The following PUDP variants were observed in gnomAD, a reference collection of about 807,000 sequenced individuals.
PUDP encodes pseudouridine-5'-phosphatase.
In PUDP, 8 loss-of-function variants were observed where a neutral mutation model predicts 9.4. That is an observed-to-expected ratio of 0.85 (90% CI 0.50 to 1.53). The LOEUF (loss-of-function observed/expected upper bound fraction) is 1.53, where lower values mean the gene tolerates loss of function less well. PUDP is among the 40% of genes most tolerant of loss of function. PUDP has a pLI of 0.00. For synonymous variants in PUDP, 99 were observed against 80.7 expected (o/e 1.23, Z -1.22); for missense variants, 188 against 189.7 (o/e 0.99, Z 0.05).
At chrX:7,146,973 A>G (rs1002600550) in intron 1 of PUDP, among the ~76,000 whole-genome samples, 2 of 110,188 alleles carry the variant, frequency 1.8e-5, no homozygotes, top group Non-Finnish European at 3.8e-5. Context: ...GTTTATAGAT[A>G]TATGAAGCCT....
chrX:7,115,911 A>G (rs1037334515), intron 1 of PUDP, among the ~76,000 whole-genome samples: 1 of 112,630 alleles, frequency 8.9e-6, no homozygotes, highest in African/African-American at 3.2e-5. Flanking sequence ...TATCTGCTCA[A>G]AGCATCCTAG....
intron 3 of PUDP, among the ~76,000 whole-genome samples, chrX:6,810,731 G>A (rs1252514276): frequency 1.8e-5 from 2 of 111,500 alleles, no homozygotes; most frequent in East Asian, 5.6e-4. Flanking sequence ...AGCAATCAGC[G>A]AGTATGTAGA....
At chrX:7,057,630 G>T in intron 3 of PUDP, 1 of 1,119,513 alleles carries the variant, frequency 8.9e-7, no homozygotes. Flanking sequence ...TGACAAGTTG[G>T]GTTTGAGGCC....
At chrX:7,058,372 T>C (rs1930306760) in intron 3 of PUDP, among the ~76,000 whole-genome samples, 1 of 112,102 alleles carries the variant, frequency 8.9e-6, no homozygotes, top group Non-Finnish European at 1.9e-5. Flanking sequence ...TGGAATTACA[T>C]GGAAGCACAG....
At chrX:6,954,028 TCTGCG>T (rs1928591176) in intron 3 of PUDP, among the ~76,000 whole-genome samples, 1 of 110,530 alleles carries the variant, frequency 9.0e-6, no homozygotes, top group African/African-American at 3.3e-5. Flanking sequence ...TTCCCTTTGC[TCTGCG>T]CTTCTCCTTG....
At chrX:6,781,167 T>C (rs1925555245) in intron 3 of PUDP, among the ~76,000 whole-genome samples, 1 of 111,180 alleles carries the variant, frequency 9.0e-6, no homozygotes, top group African/African-American at 3.3e-5. Flanking sequence ...ACAACAACAA[T>C]AACAACAGCA....
chrX:6,771,863 T>C (rs2146679009), intron 3 of PUDP, among the ~76,000 whole-genome samples: 1 of 112,402 alleles, frequency 8.9e-6, no homozygotes, highest in East Asian at 2.8e-4. Flanking sequence ...TGAATGGCTG[T>C]AGCTGTGTGT....
intron 1 of PUDP, among the ~76,000 whole-genome samples, chrX:7,013,552 CAG>C (rs1929506599): frequency 8.9e-6 from 1 of 112,208 alleles, no homozygotes; most frequent in South Asian, 3.7e-4. Flanking sequence ...CTGATTAAAA[CAG>C]AGTGCTGGCC....
intron 1 of PUDP, among the ~76,000 whole-genome samples, chrX:7,043,049 G>A (rs935951511): frequency 7.2e-5 from 8 of 111,845 alleles, no homozygotes; most frequent in African/African-American, 2.6e-4. Flanking sequence ...AAACAAGGGA[G>A]TCAGTAGAGT....
At chrX:7,043,140 T>C (rs1929944342) in intron 1 of PUDP, among the ~76,000 whole-genome samples, 1 of 111,898 alleles carries the variant, frequency 8.9e-6, no homozygotes, top group Non-Finnish European at 1.9e-5. Flanking sequence ...CAGGTGATCA[T>C]TCACAGATGA....
intron 3 of PUDP, among the ~76,000 whole-genome samples, chrX:6,951,270 T>TA (rs770034592): frequency 7.6e-5 from 8 of 105,867 alleles, no homozygotes; most frequent in Admixed American, 2.1e-4. Context: ...TCTATCTATC[T>TA]ATCTAATCTA....
chrX:6,870,179 T>A (rs755749268), intron 3 of PUDP, among the ~76,000 whole-genome samples: 1 of 112,104 alleles, frequency 8.9e-6, no homozygotes, highest in South Asian at 3.7e-4. Flanking sequence ...AAGTTATTAT[T>A]TAATGGATAC....
chrX:6,833,452 A>G (rs1462862993), intron 3 of PUDP, among the ~76,000 whole-genome samples: 2 of 111,297 alleles, frequency 1.8e-5, no homozygotes, highest in Non-Finnish European at 3.8e-5. Flanking sequence ...AGATGGATAG[A>G]TCATAGATGG....
intron 3 of PUDP, among the ~76,000 whole-genome samples, chrX:6,900,759 AT>A (rs938700080): frequency 9.4e-6 from 1 of 106,780 alleles, no homozygotes; most frequent in Non-Finnish European, 1.9e-5. Flanking sequence ...CAGATGACCA[AT>A]TTTTTTTGTT....
intron 1 of PUDP, among the ~76,000 whole-genome samples, chrX:7,030,285 G>T (rs1929775205): frequency 9.0e-6 from 1 of 110,629 alleles, no homozygotes; most frequent in Non-Finnish European, 1.9e-5. Flanking sequence ...AATGACAAGA[G>T]AAAACTAACA....
chrX:6,748,960 G>C (rs1270505358), intron 3 of PUDP, among the ~76,000 whole-genome samples: 1 of 111,149 alleles, frequency 9.0e-6, no homozygotes, highest in Non-Finnish European at 1.9e-5. Context: ...AGAAGAGAAA[G>C]GAGATGAATG....
At chrX:6,908,368 C>T (rs183630677) in intron 3 of PUDP, among the ~76,000 whole-genome samples, 2 of 112,154 alleles carry the variant, frequency 1.8e-5, no homozygotes, top group Admixed American at 9.5e-5. Context: ...CTCAAAGGTC[C>T]CTAAGAGCAC....
intron 3 of PUDP, among the ~76,000 whole-genome samples, chrX:6,754,285 C>T (rs1925143536): frequency 9.0e-6 from 1 of 111,197 alleles, no homozygotes; most frequent in Non-Finnish European, 1.9e-5. Context: ...TCACTGTGCA[C>T]TTCTCTTGTC....
At chrX:6,992,777 A>G (rs1929202701) in intron 1 of PUDP, among the ~76,000 whole-genome samples, 1 of 111,683 alleles carries the variant, frequency 9.0e-6, no homozygotes, top group African/African-American at 3.3e-5. Context: ...GGGTGTTGCC[A>G]AGGAGATTAA....
Sources: gnomAD v4.1 joint callset for allele counts (sites outside exome capture counted in the v4.1 genomes callset) on GRCh38, gnomAD v4.1.1 for gene constraint, MANE v1.5 for transcripts, NCBI Gene and HGNC (gene_info 2026-07-23, HGNC 2026-07-21) for gene names.